The following ASIC1 variants were observed in gnomAD, a reference collection of about 807,000 sequenced individuals.
ASIC1 encodes acid sensing ion channel subunit 1.
In ASIC1, 21 loss-of-function variants were observed where a neutral mutation model predicts 63.4. That is an observed-to-expected ratio of 0.33 (90% confidence interval 0.23 to 0.48). The LOEUF is 0.48. Ranked by LOEUF, ASIC1 falls within the 20% of genes least tolerant of loss-of-function variation. The probability of loss-of-function intolerance (pLI) is 0.99; values close to 1 mark genes in which losing one functional copy is unlikely to be tolerated. For synonymous variants in ASIC1, 258 were observed against 278.2 expected (o/e 0.93, Z 0.72); for missense variants, 478 against 695.5 (o/e 0.69, Z 3.52).
Position 50,059,238 on chromosome 12 carries a change from C to G in ASIC1, c.362+110C>G. ...GAGCCCAGCCAACCCTGCCCTTTAA[C>G]CCACCCCCACCCCCAAACCTGCCAC... On this transcript the variant is annotated intron_variant, in intron 2 of 11. Transcript: ENST00000447966. The surrounding 1 kb of genome is among the most constrained non-coding windows in gnomAD (Gnocchi z 4.6). 1 of 1,405,888 alleles carries G rather than the reference C, an allele frequency of 7.1e-7. No homozygotes were observed. The allele number at this position is 1,405,888 out of a possible 1,614,324, so 87.1% of individuals were successfully genotyped here.
rs773503565 is a variant in ASIC1, at chr12:50,059,055, G to A, written c.289G>A (p.Glu97Lys). The change falls in exon 2 of 12, where the codon GAG becomes AAG. Residue 97 changes from glutamate to lysine, a missense_variant. Transcript: ENST00000447966. This position sits in a 1 kb window ranked among gnomAD's most constrained non-coding sequence, Gnocchi z 4.6. The part of the protein sequence containing the change: ...FPAVTLCNLN[E>K]FRFSQVSKND... ...TGCTGTCACGCTGTGCAACCTCAAC[G>A]AGTTCCGCTTTAGCCAAGTCTCCAA... The A allele has an allele frequency of 9.3e-6, 15 of 1,614,132 alleles. No individual in the cohort carries two copies. Among genetic ancestry groups the A allele is most frequent in the South Asian group, 5.5e-5 (5 of 91,084 alleles).
chr12:50,078,782 G>A lies in ASIC1; in HGVS notation c.995-142G>A. 1 of 1,313,072 alleles carries A rather than the reference G, an allele frequency of 7.6e-7. No homozygotes were observed. Among genetic ancestry groups the A allele is most frequent in the South Asian group, 1.2e-5 (1 of 84,228 alleles). The allele number at this position is 1,313,072 out of a possible 1,614,324, so 81.3% of individuals were successfully genotyped here. On this transcript the variant is annotated intron_variant, in intron 6 of 11. Transcript: ENST00000447966. The surrounding 1 kb of genome is among the most constrained non-coding windows in gnomAD (Gnocchi z 6.0). ...TCTAGAAGGTATGGACCTGGAGTGG[G>A]TCACTTCTGGGGCAGCATGGGGGCC...
At chr12:50,068,676 A>AG (rs1950569229) in intron 3 of ASIC1, among the ~76,000 whole-genome samples, 1 of 151,156 alleles carries the variant, frequency 6.6e-6, no homozygotes, top group Non-Finnish European at 1.5e-5. Context: ...AACCAAAGTC[A>AG]TCATCTTACC....
At chr12:50,065,747 C>T (rs1374169766) in intron 3 of ASIC1, among the ~76,000 whole-genome samples, 11 of 152,214 alleles carry the variant, frequency 7.2e-5, no homozygotes, top group Admixed American at 2.0e-4. Context: ...AATGCTTTCC[C>T]ACCCTTCTGC....
At position 50,074,323 on chromosome 12, in the gene ASIC1, G is replaced by A; in HGVS notation, c.559-2890G>A. The A allele has an allele frequency of 7.0e-7, 1 of 1,425,860 alleles. No individual in the cohort carries two copies. Among genetic ancestry groups the A allele is most frequent in the African/African-American group, 1.4e-5 (1 of 69,638 alleles). The allele number at this position is 1,425,860 out of a possible 1,614,324, so 88.3% of individuals were successfully genotyped here. ...TCCCTGACTGTCACCTCCTGGGGTT[G>A]GGGCTGGGGCTGGGGCTGGGGCTGA... On this transcript the variant is annotated intron_variant, in intron 3 of 11. Coordinates refer to ENST00000447966, the MANE Select transcript of ASIC1 (RefSeq NM_001095.4). This position sits in a 1 kb window ranked among gnomAD's most constrained non-coding sequence, Gnocchi z 4.2.
At chr12:50,068,048 T>C (rs1368468696) in intron 3 of ASIC1, among the ~76,000 whole-genome samples, 1 of 152,196 alleles carries the variant, frequency 6.6e-6, no homozygotes, top group East Asian at 1.9e-4. Flanking sequence ...TAACCACTGT[T>C]CTAACAGTAT....
chr12:50,081,583 G>A lies in ASIC1; in HGVS notation c.1521G>A (p.Met507Ile), dbSNP rs1253869712. 1 of 1,614,180 alleles carries A rather than the reference G, an allele frequency of 6.2e-7. No individual in the cohort carries two copies. The highest frequency in any genetic ancestry group is 1.7e-5 in the Admixed American group (1 of 60,030). ...GCCTTCGGGGCCACCCTGCCGGGAT[G>A]ACATACGCTGCCAACATCCTACCTC... is the stretch of plus-strand genomic sequence containing the variant. ...CESLRGHPAGMTYAANILPHH... is the reference protein window; with the variant it reads ...CESLRGHPAGITYAANILPHH... Residue 507 changes from methionine (M) to isoleucine (I), a missense_variant, in exon 12 of 12, where the codon ATG (methionine) becomes ATA (isoleucine). Physicochemically the swap from Met to Ile is conservative, Grantham distance 10. Transcript: ENST00000447966.
intron 3 of ASIC1, among the ~76,000 whole-genome samples, chr12:50,069,960 G>A (rs1950582824): frequency 6.6e-6 from 1 of 152,174 alleles, no homozygotes; most frequent in South Asian, 2.1e-4. Flanking sequence ...TCACTTGTCA[G>A]ATGGGAATGA....
chr12:50,066,052 T>C (rs1272063349), intron 3 of ASIC1, among the ~76,000 whole-genome samples: 1 of 152,192 alleles, frequency 6.6e-6, no homozygotes, highest in African/African-American at 2.4e-5. Flanking sequence ...TGGGGGCCCA[T>C]GCAGCTTGGT....
rs1391002431 is a variant in ASIC1 at position 50,058,958 on chromosome 12, T to C, written c.192T>C (p.Arg64=). Residue 64 remains arginine, a synonymous_variant, in exon 2 of 12, where the codon CGT becomes CGC. Transcript: ENST00000447966. ...LAVLLCVCTE[R]VQYYFHYHHV... ...TGCTGCTGTGTGTGTGCACGGAGCG[T>C]GTGCAGTACTACTTCCACTACCACC... 1 of 1,614,034 alleles carries C rather than the reference T, an allele frequency of 6.2e-7. No homozygotes were observed. The highest frequency in any genetic ancestry group is 1.7e-5 in the Admixed American group (1 of 59,998).
At chr12:50,065,157 G>T (rs941062035) in intron 3 of ASIC1, among the ~76,000 whole-genome samples, 1 of 152,120 alleles carries the variant, frequency 6.6e-6, no homozygotes, top group African/African-American at 2.4e-5. Flanking sequence ...CCATTCTTCC[G>T]CCTTGGCCAA....
Position 50,082,337 on chromosome 12 carries a change from C to G in ASIC1, c.*688C>G, listed in dbSNP as rs951879068. 1 of 152,734 alleles carries G rather than the reference C, an allele frequency of 6.5e-6. No individual in the cohort carries two copies. Among genetic ancestry groups the G allele is most frequent in the Non-Finnish European group, 1.5e-5 (1 of 68,198 alleles). 9.5% of individuals were successfully genotyped at this position (152,734 alleles called of 1,614,324 possible). Reference sequence around the variant, plus strand: ...ACCCCACAGCTGCTGGAGAGAAATCCCAAGAGGCAGCCCTTCCTCACCATC... The same window carrying G: ...ACCCCACAGCTGCTGGAGAGAAATCGCAAGAGGCAGCCCTTCCTCACCATC... On this transcript the variant is annotated 3_prime_UTR_variant, in exon 12 of 12. Coordinates refer to ENST00000447966, the MANE Select transcript of ASIC1 (RefSeq NM_001095.4).
At chr12:50,070,278 A>G (rs1479692635) in intron 3 of ASIC1, among the ~76,000 whole-genome samples, 1 of 152,128 alleles carries the variant, frequency 6.6e-6, no homozygotes, top group African/African-American at 2.4e-5. Context: ...CAAGATGAAG[A>G]TGGGAAAGAA....
rs1197705253 is a variant in ASIC1 at position 50,057,930 on chromosome 12, AC to A, written c.-17+18del. On this transcript the variant is annotated intron_variant, in intron 1 of 11. Coordinates refer to ENST00000447966, the MANE Select transcript of ASIC1 (RefSeq NM_001095.4). This position sits in a 1 kb window ranked among gnomAD's most constrained non-coding sequence, Gnocchi z 4.7. ...AAGCCCCCTCAGGTGGGTTTCCGAT[AC>A]CCCTGCCTTTGGCCGCGAGGCTCCT... 10 of 147,688 alleles carry A rather than the reference AC, an allele frequency of 6.8e-5. No homozygotes were observed. Among genetic ancestry groups the A allele is most frequent in the African/African-American group, 1.0e-4 (4 of 40,044 alleles). The allele number at this position is 147,688 out of a possible 1,614,324, so 9.1% of individuals were successfully genotyped here. A position where few individuals can be genotyped will look rare whatever the true frequency, so the allele number is the denominator to read the frequency against.
intron 3 of ASIC1, among the ~76,000 whole-genome samples, chr12:50,075,532 GGGACTAGGA>G (rs946618180): frequency 6.6e-6 from 1 of 152,234 alleles, no homozygotes; most frequent in Admixed American, 6.5e-5. Context: ...CATGGGGCTG[GGGACTAGGA>G]GCCCTTGGAG....
chr12:50,080,936 C>G (rs1213196549), intron 9 of ASIC1, among the ~76,000 whole-genome samples, 166 bp from the exon 10 acceptor site: 1 of 152,240 alleles, frequency 6.6e-6, no homozygotes, highest in Non-Finnish European at 1.5e-5. Flanking sequence ...CGCAGAAAAG[C>G]ATAGAGAAGA....
chr12:50,063,470 G>A (rs967481322), intron 3 of ASIC1, among the ~76,000 whole-genome samples: 9 of 152,226 alleles, frequency 5.9e-5, no homozygotes, highest in Admixed American at 2.0e-4. Flanking sequence ...TGGAAGAGAA[G>A]GAAGAGGAGG....
At position 50,074,063 on chromosome 12, in the gene ASIC1, T is replaced by C. The variant is rs1267508860; in HGVS notation, c.559-3150T>C. On this transcript the variant is annotated intron_variant, in intron 3 of 11. Coordinates refer to ENST00000447966, the MANE Select transcript of ASIC1 (RefSeq NM_001095.4). The surrounding 1 kb of genome is among the most constrained non-coding windows in gnomAD (Gnocchi z 4.2). Reference sequence around the variant, plus strand: ...CCTGACTTGCTTTATTTGGCCCCCATGCTGGGACTGGATGAAAGTGATGAC... The same window carrying C: ...CCTGACTTGCTTTATTTGGCCCCCACGCTGGGACTGGATGAAAGTGATGAC... The C allele has an allele frequency of 2.0e-6, 3 of 1,535,022 alleles. No homozygotes were observed. Among genetic ancestry groups the C allele is most frequent in the Non-Finnish European group, 1.7e-6 (2 of 1,146,202 alleles).
rs145170340 is a variant in ASIC1, at chr12:50,058,802, C to T, written c.36C>T (p.Gly12=). ...ELKAEEEEVG[G]VQPVSIQAFA... ...AGGCCGAGGAGGAGGAGGTGGGTGG[C>T]GTCCAGCCGGTGAGCATCCAGGCCT... The change falls in exon 2 of 12, where the codon GGC becomes GGT. Residue 12 remains glycine (G), a synonymous_variant. Transcript: ENST00000447966. The T allele has an allele frequency of 2.6e-5, 41 of 1,596,840 alleles. No homozygotes were observed. Among genetic ancestry groups the T allele is most frequent in the African/African-American group, 1.7e-4 (13 of 74,690 alleles).
Sources: allele counts gnomAD v4.1 joint callset (sites outside exome capture counted in the v4.1 genomes callset), GRCh38; gene constraint gnomAD v4.1.1; non-coding constraint Gnocchi (gnomAD v3.1); transcripts MANE v1.5; gene names NCBI Gene and HGNC (gene_info 2026-07-23, HGNC 2026-07-21).